AMMECR1: variants seen among roughly 807,000 people sequenced by gnomAD.
AMMECR1 encodes nuclear protein AMMECR1.
Under a neutral mutation model 22.5 loss-of-function variants are expected in AMMECR1, and 3 were observed. The ratio of observed to expected loss-of-function variants is 0.13; its 90% CI spans 0.06 to 0.35. AMMECR1 has a LOEUF of 0.35. Among genes scored for constraint, AMMECR1 ranks in the 10% least tolerant of loss-of-function variants. The pLI is 1.00. For missense variants in AMMECR1, 235 were observed against 278.7 expected (o/e 0.84, Z 1.12); for synonymous variants, 130 against 116.7 (o/e 1.11, Z -0.74).
chrX:110,318,091 C>T (rs1200219879), upstream of AMMECR1: 4 of 1,162,193 alleles, frequency 3.4e-6, no homozygotes, highest in East Asian at 3.2e-5. Context: ...GTCTCCCCCA[C>T]GCAGCGTTTC....
chrX:110,347,016 T>C, intron 2 of AMMECR1: 1 of 466,007 alleles, frequency 2.1e-6, no homozygotes, highest in Non-Finnish European at 3.9e-6. Context: ...GGCTCAGGAA[T>C]ACCAGCATTC....
At chrX:110,221,792 T>C (rs1432481170) in intron 2 of AMMECR1, among the ~76,000 whole-genome samples, 1 of 111,174 alleles carries the variant, frequency 9.0e-6, no homozygotes, top group Non-Finnish European at 1.9e-5. Flanking sequence ...GCAAAGGATA[T>C]GAACAGACAC....
intron 2 of AMMECR1, among the ~76,000 whole-genome samples, chrX:110,410,101 C>T (rs2068631340): frequency 8.9e-6 from 1 of 111,737 alleles, no homozygotes; most frequent in South Asian, 3.8e-4. Context: ...CTGACTTTCT[C>T]GTTTTATGGG....
intron 1 of AMMECR1, among the ~76,000 whole-genome samples, chrX:110,431,879 T>G (rs1045120116): frequency 8.1e-5 from 9 of 111,102 alleles, no homozygotes; most frequent in Non-Finnish European, 1.9e-5. Flanking sequence ...CAGGAGAGAT[T>G]TGGGAGTTAG....
chrX:110,353,686 A>C (rs1225508344), intron 2 of AMMECR1, among the ~76,000 whole-genome samples: 3 of 111,802 alleles, frequency 2.7e-5, no homozygotes, highest in African/African-American at 9.7e-5. Flanking sequence ...AAATAATATA[A>C]TTTCAATCTT....
intron 2 of AMMECR1, among the ~76,000 whole-genome samples, chrX:110,232,329 G>A (rs1027254143): frequency 8.9e-6 from 1 of 112,174 alleles, no homozygotes; most frequent in African/African-American, 3.2e-5. Context: ...TCAGACCACA[G>A]TGCAATCAAA....
chrX:110,220,655 T>G (rs1229495431), intron 2 of AMMECR1, among the ~76,000 whole-genome samples: 1 of 111,717 alleles, frequency 9.0e-6, no homozygotes, highest in East Asian at 2.8e-4. Context: ...ACCCATATGA[T>G]GGATGGGTAA....
intron 2 of AMMECR1, among the ~76,000 whole-genome samples, chrX:110,229,253 G>C (rs1313469782): frequency 1.8e-5 from 2 of 112,182 alleles, no homozygotes; most frequent in African/African-American, 3.2e-5. Context: ...CTCTTGTCTG[G>C]TCATATCTTA....
chrX:110,224,535 G>T (rs189226996), intron 2 of AMMECR1, among the ~76,000 whole-genome samples: 4,887 of 108,732 alleles, frequency 0.045, 301 homozygotes, highest in African/African-American at 0.16. Flanking sequence ...ATAAAAAAAA[G>T]ATATATATAT....
chrX:110,226,972 C>T, intron 2 of AMMECR1, among the ~76,000 whole-genome samples: 1 of 111,690 alleles, frequency 9.0e-6, no homozygotes, highest in Non-Finnish European at 1.9e-5. Context: ...CTTAATAAGC[C>T]TTATTAGTGG....
chrX:110,284,733 G>A (rs760901859), intron 1 of AMMECR1, among the ~76,000 whole-genome samples: 3 of 111,413 alleles, frequency 2.7e-5, no homozygotes, highest in East Asian at 5.6e-4. Context: ...GGAAGGTTGG[G>A]GTGGAGAGGG....
At chrX:110,408,391 T>C (rs1318097840) in intron 2 of AMMECR1, among the ~76,000 whole-genome samples, 2 of 112,328 alleles carry the variant, frequency 1.8e-5, no homozygotes, top group Non-Finnish European at 3.8e-5. Flanking sequence ...GAAATGGGGA[T>C]GCTAGATGTT....
intron 2 of AMMECR1, among the ~76,000 whole-genome samples, chrX:110,326,198 G>A (rs2068097306): frequency 9.0e-6 from 1 of 111,258 alleles, no homozygotes; most frequent in African/African-American, 3.3e-5. Context: ...CACCATGTTG[G>A]CTAGGCTGAC....
intron 2 of AMMECR1, among the ~76,000 whole-genome samples, chrX:110,401,184 A>G (rs1160011959): frequency 8.9e-6 from 1 of 112,306 alleles, no homozygotes; most frequent in Non-Finnish European, 1.9e-5. Flanking sequence ...ATTTGAACGT[A>G]GGCTCCAATA....
chrX:110,324,621 G>T lies in AMMECR1; in HGVS notation c.-147-6772C>A, dbSNP rs1356409762. ...AATAGCTTCCCTTAGGTTGAGGAAG[G>T]TCCCTTCTACTGGTAGTTTGTTGAG... On this transcript the variant is annotated intron_variant, in intron 2 of 7. Coordinates refer to the AMMECR1 transcript ENST00000372057. Among the ~76,000 whole-genome samples the T allele has an allele frequency of 5.6e-5, 6 of 106,638 alleles. No homozygotes were observed. In the East Asian group the frequency reaches 1.2e-3, roughly 21 times the overall value. 92.6% of individuals were successfully genotyped at this position (106,638 alleles called of 115,157 possible).
At chrX:110,346,802 T>C (rs769974390) in intron 2 of AMMECR1, 109 of 733,297 alleles carry the variant, frequency 1.5e-4, no homozygotes, top group Non-Finnish European at 2.2e-4. Flanking sequence ...GACAGAATTG[T>C]TTCAAGTCTG....
intron 2 of AMMECR1, among the ~76,000 whole-genome samples, chrX:110,397,594 G>C (rs763613433): frequency 1.8e-5 from 2 of 111,092 alleles, no homozygotes; most frequent in Non-Finnish European, 3.8e-5. Context: ...GAGCCACAAA[G>C]AGACACAGTC....
At chrX:110,248,390 AAAAAGAAAAGAAAAG>A (rs10596812) in intron 2 of AMMECR1, among the ~76,000 whole-genome samples, 70 of 110,220 alleles carry the variant, frequency 6.4e-4, no homozygotes, top group African/African-American at 2.2e-3. Context: ...TGTCTCAAAA[AAAAAGAAAAGAAAAG>A]AAAAGAAAAG....
intron 1 of AMMECR1, among the ~76,000 whole-genome samples, chrX:110,312,547 C>T (rs1029087360): frequency 2.7e-5 from 3 of 111,976 alleles, no homozygotes; most frequent in African/African-American, 9.7e-5. Flanking sequence ...CTCCCTTTGG[C>T]CATATGGGGG....
Sources: gnomAD v4.1 joint callset for allele counts (sites outside exome capture counted in the v4.1 genomes callset) on GRCh38, gnomAD v4.1.1 for gene constraint, MANE v1.5 for transcripts, NCBI Gene and HGNC (gene_info 2026-07-23, HGNC 2026-07-21) for gene names.